The following TNRC6B variants were observed in gnomAD, a reference collection of about 807,000 sequenced individuals.
TNRC6B encodes trinucleotide repeat-containing gene 6B protein.
A neutral mutation model predicts 203.6 loss-of-function variants in TNRC6B; 52 were observed. That is an observed-to-expected ratio of 0.26 (90% CI 0.20 to 0.32). The LOEUF (loss-of-function observed/expected upper bound fraction) is 0.32. TNRC6B is among the 10% of genes least tolerant of loss of function. TNRC6B has a pLI of 1.00. For missense variants in TNRC6B, 1,923 were observed against 2,286.2 expected (o/e 0.84, Z 3.24); for synonymous variants, 838 against 845.7 (o/e 0.99, Z 0.16).
chr22:40,061,024 G>A (rs1430944934), intron 1 of TNRC6B, among the ~76,000 whole-genome samples: 1 of 152,166 alleles, frequency 6.6e-6, no homozygotes, highest in Admixed American at 6.5e-5. Context: ...CCACCCAAGA[G>A]CCAACCTTTT....
At chr22:40,237,280 T>C (rs948451506) in intron 1 of TNRC6B, among the ~76,000 whole-genome samples, 2 of 152,172 alleles carry the variant, frequency 1.3e-5, no homozygotes, top group Admixed American at 6.5e-5. Flanking sequence ...CAAAGTGTGG[T>C]AGAGACAGGG....
intron 1 of TNRC6B, among the ~76,000 whole-genome samples, chr22:40,206,720 C>T (rs1247399920): frequency 1.3e-5 from 2 of 149,822 alleles, no homozygotes; most frequent in African/African-American, 2.5e-5. Flanking sequence ...GGTGGGTCAG[C>T]GCGTAAGTGG....
chr22:40,154,859 AAAT>A (rs1569000812), intron 3 of TNRC6B, among the ~76,000 whole-genome samples: 3 of 34,756 alleles, frequency 8.6e-5, no homozygotes, highest in Non-Finnish European at 1.4e-4. Flanking sequence ...AAAAAAAAAA[AAAT>A]ATATATATAT....
intron 1 of TNRC6B, among the ~76,000 whole-genome samples, chr22:40,064,495 A>G (rs1396571957): frequency 2.6e-5 from 4 of 151,764 alleles, no homozygotes; most frequent in African/African-American, 7.3e-5. Context: ...GCTTCTATTG[A>G]GATGATCATC....
At chr22:40,133,046 A>G (rs1275899772) in intron 3 of TNRC6B, among the ~76,000 whole-genome samples, 1 of 147,328 alleles carries the variant, frequency 6.8e-6, no homozygotes, top group Non-Finnish European at 1.5e-5. Context: ...TGATTCCCGT[A>G]GAGAGAAATT....
Position 40,059,059 on chromosome 22 carries a change from C to A in TNRC6B, c.-121+14061C>A, listed in dbSNP as rs551408847. Among the ~76,000 whole-genome samples the A allele has an allele frequency of 1.3e-4, 20 of 152,326 alleles. 1 individual carries two copies. Among genetic ancestry groups the A allele is most frequent in the African/African-American group, 4.1e-4 (17 of 41,562 alleles). On this transcript the variant is annotated intron_variant, in intron 1 of 23. Coordinates refer to the TNRC6B transcript ENST00000301923. ...TTCGTTTACTGCTCCCATTTATCAA[C>A]TGTCATTTCTTTCTTTTGAATCTTT...
At chr22:40,280,997 T>C (rs929070) in intron 10 of TNRC6B, 122 bp from the exon 11 acceptor site, 542,728 of 752,730 alleles carry the variant, frequency 0.72, 204,567 homozygotes, top group East Asian at 0.99. Context: ...ATTCCATCCT[T>C]GGTTATTGCT....
At chr22:40,294,235 A>G (rs1428586608) in intron 12 of TNRC6B, among the ~76,000 whole-genome samples, 1 of 152,182 alleles carries the variant, frequency 6.6e-6, no homozygotes, top group Non-Finnish European at 1.5e-5. Context: ...TCTGGACAAT[A>G]GAGTGAGACC....
At chr22:40,294,894 G>A (rs761869317) in intron 12 of TNRC6B, among the ~76,000 whole-genome samples, 16 of 152,240 alleles carry the variant, frequency 1.1e-4, no homozygotes, top group Non-Finnish European at 2.1e-4. Context: ...TGGTGCAGAG[G>A]CAGCATGCCC....
chr22:40,293,700 C>G (rs2070899771), intron 12 of TNRC6B, among the ~76,000 whole-genome samples: 1 of 152,040 alleles, frequency 6.6e-6, no homozygotes, highest in African/African-American at 2.4e-5. Context: ...CTTGTCTGCC[C>G]TGCCCCTAGG....
chr22:40,266,000 T>C lies in TNRC6B; in HGVS notation c.1770T>C (p.Arg590=), dbSNP rs1366917082. ...GTAGTGACAGTCATAACTCTGGCCG[T>C]CGGTCGTACAGGCCCACACATCCTG... The part of the protein sequence containing the change: ...AGSSDSHNSG[R]RSYRPTHPDC... Residue 590 remains arginine, a synonymous_variant, in exon 5 of 23, where the codon CGT becomes CGC. Coordinates refer to ENST00000454349, the MANE Select transcript of TNRC6B (RefSeq NM_001162501.2). 9.9e-6 allele frequency: 16 copies of C among 1,613,742 alleles called. No homozygotes were observed. The highest frequency in any genetic ancestry group is 1.4e-5 in the Non-Finnish European group (16 of 1,179,894).
chr22:40,045,092 G>A (rs2067674830), intron 1 of TNRC6B: 1 of 144,706 alleles, frequency 6.9e-6, no homozygotes, highest in Non-Finnish European at 1.5e-5. Flanking sequence ...GGCGCCCCCG[G>A]GGGCGCGCGG....
chr22:40,273,514 G>C lies in TNRC6B; in HGVS notation c.3055G>C (p.Gly1019Arg). The C allele has an allele frequency of 6.2e-7, 1 of 1,601,266 alleles. No homozygotes were observed. Among genetic ancestry groups the C allele is most frequent in the Non-Finnish European group, 8.5e-7 (1 of 1,173,738 alleles). The change falls in exon 7 of 23, where the codon GGA becomes CGA. Residue 1019 changes from glycine (G) to arginine (R), a missense_variant. Physicochemically the swap from Gly to Arg is moderately radical, Grantham distance 125. Coordinates refer to ENST00000454349, the MANE Select transcript of TNRC6B (RefSeq NM_001162501.2). ...HPSWEEEEDG[G>R]VWNTTGSQGS... is the part of the protein sequence containing the mutation. ...CAGCTGGGAAGAGGAGGAGGATGGA[G>C]GAGTCTGGAACACCACTGGCTCTCA...
chr22:40,280,249 A>G (rs1186119759), intron 10 of TNRC6B, 106 bp downstream of exon 10: 2 of 1,158,544 alleles, frequency 1.7e-6, no homozygotes, highest in African/African-American at 1.5e-5. Flanking sequence ...ACTGAACTAG[A>G]TGAGCAAAAC....
chr22:40,300,895 C>CG lies in TNRC6B; in HGVS notation c.3841-15_3841-14insG. On this transcript the variant is annotated splice_polypyrimidine_tract_variant and intron_variant, in intron 13 of 22. Coordinates refer to ENST00000454349, the MANE Select transcript of TNRC6B (RefSeq NM_001162501.2). ...AGGAAACTTTGGTTTTCTGTCTTTC[C>CG]CCCTTGTTTTGTAGGCATGTCAGCT... is the stretch of plus-strand genomic sequence containing the variant. 3 of 1,611,668 alleles carry CG rather than the reference C, an allele frequency of 1.9e-6. No individual in the cohort carries two copies. Among genetic ancestry groups the CG allele is most frequent in the Non-Finnish European group, 2.5e-6 (3 of 1,178,912 alleles).
At position 40,266,624 on chromosome 22, in the gene TNRC6B, G is replaced by A; in HGVS notation, c.2394G>A (p.Glu798=). 3.1e-6 allele frequency: 5 copies of A among 1,611,194 alleles called. No homozygotes were observed. Among genetic ancestry groups the A allele is most frequent in the Non-Finnish European group, 4.2e-6 (5 of 1,178,258 alleles). Residue 798 remains glutamate (E), a synonymous_variant, in exon 5 of 23, where the codon GAG becomes GAA. Coordinates refer to ENST00000454349, the MANE Select transcript of TNRC6B (RefSeq NM_001162501.2). ...NASLASKGGW[E]DCKRSPAWNE... ...GCCTAGCTTCAAAAGGTGGGTGGGA[G>A]GATTGCAAAAGATCCCCAGCATGGA...
rs372642592 is a variant in TNRC6B, at chr22:40,329,615, C to T, written c.*6374C>T. ...TCTGAAGAAAGAGGCCATGAACCTA[C>T]GAGGTGGTAAAGGGGGACACAGGTC... is the stretch of plus-strand genomic sequence containing the variant. On this transcript the variant is annotated 3_prime_UTR_variant, in exon 23 of 23. Transcript: ENST00000454349. The T allele has an allele frequency of 1.2e-4, 18 of 152,234 alleles. No homozygotes were observed. Among genetic ancestry groups the T allele is most frequent in the East Asian group, 7.7e-4 (4 of 5,188 alleles). The allele number at this position is 152,234 out of a possible 1,614,324, so 9.4% of individuals were successfully genotyped here. A position where few individuals can be genotyped will look rare whatever the true frequency, so the allele number is the denominator to read the frequency against.
At chr22:40,047,156 G>C (rs1266323490) in intron 1 of TNRC6B, among the ~76,000 whole-genome samples, 1 of 152,088 alleles carries the variant, frequency 6.6e-6, no homozygotes, top group Non-Finnish European at 1.5e-5. Context: ...CAGGGCATAG[G>C]TTTAGTCTCA....
chr22:40,175,871 G>C (rs543860207), upstream of TNRC6B, among the ~76,000 whole-genome samples: 1 of 152,216 alleles, frequency 6.6e-6, no homozygotes, highest in Non-Finnish European at 1.5e-5. Flanking sequence ...CTTTCCTGTC[G>C]TCATATCTGA....
Sources: allele counts gnomAD v4.1 joint callset (sites outside exome capture counted in the v4.1 genomes callset), GRCh38; gene constraint gnomAD v4.1.1; transcripts MANE v1.5; gene names NCBI Gene and HGNC (gene_info 2026-07-23, HGNC 2026-07-21).